The following B3GALT1 variants were observed in gnomAD, a reference collection of about 807,000 sequenced individuals.
B3GALT1 encodes the protein beta-1,3-galactosyltransferase 1.
Under a neutral mutation model 23.2 loss-of-function variants are expected in B3GALT1, and 10 were observed. The ratio of observed to expected loss-of-function variants is 0.43; its 90% CI spans 0.27 to 0.73. B3GALT1 has a LOEUF of 0.73. Ranked by LOEUF, B3GALT1 falls within the 30% of genes least tolerant of loss-of-function variation. The pLI is 0.21. For missense variants in B3GALT1, 299 were observed against 405.4 expected (o/e 0.74, Z 2.25); for synonymous variants, 156 against 141.5 (o/e 1.10, Z -0.73).
intron 3 of B3GALT1, among the ~76,000 whole-genome samples, chr2:167,681,706 C>T (rs1047809829): frequency 6.6e-5 from 10 of 152,226 alleles, no homozygotes; most frequent in Admixed American, 2.0e-4. Context: ...TTAATGAGTT[C>T]GTATATTCTA....
chr2:167,668,890 T>C (rs539173420), intron 3 of B3GALT1, among the ~76,000 whole-genome samples: 138 of 152,314 alleles, frequency 9.1e-4, no homozygotes, highest in African/African-American at 3.2e-3. Flanking sequence ...CAGATGGAAA[T>C]GCAGAGATCA....
chr2:167,593,750 T>A (rs1194242797), intron 2 of B3GALT1, among the ~76,000 whole-genome samples: 1 of 152,168 alleles, frequency 6.6e-6, no homozygotes, highest in African/African-American at 2.4e-5. Flanking sequence ...GCCTGGGTGA[T>A]GGGCGGTGCA....
chr2:167,385,696 A>C (rs1399640872), intron 1 of B3GALT1, among the ~76,000 whole-genome samples: 1 of 152,184 alleles, frequency 6.6e-6, no homozygotes, highest in African/African-American at 2.4e-5. Context: ...GGAAACAAGA[A>C]AGCATAACTT....
At chr2:167,336,619 T>A (rs1349423470) in intron 1 of B3GALT1, among the ~76,000 whole-genome samples, 1 of 152,234 alleles carries the variant, frequency 6.6e-6, no homozygotes, top group Admixed American at 6.5e-5. Flanking sequence ...CTCTTCTTTA[T>A]CTACTTTTAA....
intron 2 of B3GALT1, among the ~76,000 whole-genome samples, chr2:167,588,283 T>C (rs1684614322): frequency 6.6e-6 from 1 of 152,178 alleles, no homozygotes; most frequent in African/African-American, 2.4e-5. Flanking sequence ...CATTGTGGTA[T>C]ATATTTCTTG....
In B3GALT1 at chr2:167,626,519, T is replaced by C. The variant is rs113065583; in HGVS notation, c.-409-20390T>C. ...TGAAAATGTTGCCAAACAGGCAGAT[T>C]TCATCAGAAATAGATCTGGAGAGAA... is the stretch of plus-strand genomic sequence containing the variant. On this transcript the variant is annotated intron_variant, in intron 2 of 4. Coordinates refer to ENST00000392690, the MANE Select transcript of B3GALT1 (RefSeq NM_020981.4). Among the ~76,000 whole-genome samples the C allele has an allele frequency of 4.6e-3, 700 of 151,820 alleles. 5 individuals carry two copies. The highest frequency in any genetic ancestry group is 0.016 in the African/African-American group (673 of 41,510).
intron 1 of B3GALT1, among the ~76,000 whole-genome samples, chr2:167,360,173 A>G (rs1193616128): frequency 6.6e-6 from 1 of 152,200 alleles, no homozygotes; most frequent in Non-Finnish European, 1.5e-5. Flanking sequence ...GTGACATGTA[A>G]ACTATTAATA....
chr2:167,359,466 G>T (rs976056185), intron 1 of B3GALT1, among the ~76,000 whole-genome samples: 1 of 152,076 alleles, frequency 6.6e-6, no homozygotes, highest in South Asian at 2.1e-4. Context: ...TGTCCCTTCC[G>T]GATACAGTAG....
intron 3 of B3GALT1, among the ~76,000 whole-genome samples, chr2:167,659,204 T>C (rs1358359280): frequency 6.6e-6 from 1 of 151,850 alleles, no homozygotes; most frequent in Non-Finnish European, 1.5e-5. Context: ...ATAAAAGCTT[T>C]AATTAGAAAA....
chr2:167,469,854 A>T (rs1486719679), intron 1 of B3GALT1, among the ~76,000 whole-genome samples: 3 of 152,210 alleles, frequency 2.0e-5, no homozygotes, highest in Non-Finnish European at 4.4e-5. Context: ...GTCAGCATTA[A>T]AAAGTGACTA....
At chr2:167,707,833 G>A (rs1054727951) in intron 3 of B3GALT1, among the ~76,000 whole-genome samples, 1 of 152,186 alleles carries the variant, frequency 6.6e-6, no homozygotes, top group African/African-American at 2.4e-5. Context: ...CAACACGTAA[G>A]GGCAAGAACC....
At chr2:167,700,691 G>A (rs543009547) in intron 3 of B3GALT1, among the ~76,000 whole-genome samples, 1 of 152,262 alleles carries the variant, frequency 6.6e-6, no homozygotes, top group South Asian at 2.1e-4. Context: ...AAAGAAAGAG[G>A]AGTAAACTGA....
chr2:167,705,708 C>G (rs1345847042), intron 3 of B3GALT1, among the ~76,000 whole-genome samples: 3 of 152,202 alleles, frequency 2.0e-5, no homozygotes, highest in Non-Finnish European at 2.9e-5. Context: ...TTGCCTCAAA[C>G]CTTCTTCTTT....
Position 167,715,470 on chromosome 2 carries a change from T to C in B3GALT1, c.-352+68504T>C, listed in dbSNP as rs1240020334. The C allele has an allele frequency of 3.1e-6, 5 of 1,606,942 alleles. No homozygotes were observed. In the African/African-American group the frequency reaches 6.7e-5, roughly 21 times the overall value. On this transcript the variant is annotated intron_variant, in intron 3 of 4. Coordinates refer to ENST00000392690, the MANE Select transcript of B3GALT1 (RefSeq NM_020981.4). ...GCTATCGCCCGTCGTTCTTCAGTCA[T>C]TGGAAGAATCTTGCAGATGATTTTG...
intron 2 of B3GALT1, among the ~76,000 whole-genome samples, chr2:167,524,241 C>T (rs1028347310): frequency 8.5e-5 from 13 of 152,076 alleles, no homozygotes; most frequent in Non-Finnish European, 1.5e-5. Context: ...TGCTTTTCTT[C>T]AAATCATACT....
chr2:167,718,798 A>C (rs531974138), intron 3 of B3GALT1, among the ~76,000 whole-genome samples: 3 of 152,100 alleles, frequency 2.0e-5, no homozygotes, highest in Admixed American at 6.6e-5. Context: ...CACCTGTCAC[A>C]TGAGGGTGTT....
intron 3 of B3GALT1, among the ~76,000 whole-genome samples, chr2:167,797,492 C>T (rs146238255): frequency 1.6e-4 from 24 of 152,090 alleles, no homozygotes; most frequent in Middle Eastern, 3.4e-3. Flanking sequence ...GGGTATATAC[C>T]CAGTAATGGG....
intron 1 of B3GALT1, among the ~76,000 whole-genome samples, chr2:167,440,144 C>T (rs990033438): frequency 1.3e-5 from 2 of 151,778 alleles, no homozygotes; most frequent in Non-Finnish European, 2.9e-5. Context: ...GAGATCAAGA[C>T]CATCCTGGCT....
chr2:167,383,361 A>G (rs1456626281), intron 1 of B3GALT1, among the ~76,000 whole-genome samples: 1 of 152,094 alleles, frequency 6.6e-6, no homozygotes, highest in African/African-American at 2.4e-5. Context: ...CAAATCAGAG[A>G]TGTCATGGAA....
Sources: gnomAD v4.1 joint callset for allele counts (sites outside exome capture counted in the v4.1 genomes callset) on GRCh38, gnomAD v4.1.1 for gene constraint, MANE v1.5 for transcripts, NCBI Gene and HGNC (gene_info 2026-07-23, HGNC 2026-07-21) for gene names.